Variants in PFKM observed in about 807,000 individuals in gnomAD.
PFKM encodes the protein phosphofructokinase, muscle.
Under a neutral mutation model 95.5 loss-of-function variants are expected in PFKM, and 58 were observed. That is an observed-to-expected ratio of 0.61 (90% CI 0.49 to 0.76). The LOEUF (loss-of-function observed/expected upper bound fraction) is 0.76, where lower values mean the gene tolerates loss of function less well. Ranked by LOEUF, PFKM falls within the 30% of genes least tolerant of loss-of-function variation. The pLI is 0.00. For synonymous variants in PFKM, 336 were observed against 357.2 expected, an observed-to-expected ratio of 0.94 and a Z score of 0.67; for missense variants, 678 against 1,005.4, an observed-to-expected ratio of 0.67 and a Z score of 4.40.
intron 2 of PFKM, chr12:48,125,500 A>G: frequency 3.2e-6 from 1 of 313,120 alleles, no homozygotes; most frequent in South Asian, 2.4e-5. Context: ...GCATGCCTGT[A>G]ATCCCAGCCA....
chr12:48,130,755 C>A (rs1341419766), intron 3 of PFKM, among the ~76,000 whole-genome samples: 1 of 152,150 alleles, frequency 6.6e-6, no homozygotes, highest in Non-Finnish European at 1.5e-5. Context: ...TTTAGTATAT[C>A]CAGAGGAAGA....
intron 3 of PFKM, among the ~76,000 whole-genome samples, chr12:48,113,804 T>A (rs956394175): frequency 6.6e-6 from 1 of 152,186 alleles, no homozygotes; most frequent in Non-Finnish European, 1.5e-5. Flanking sequence ...AGGACCGGAA[T>A]CTAATTTTTG....
intron 1 of PFKM, among the ~76,000 whole-genome samples, chr12:48,120,538 G>A (rs368242104): frequency 6.6e-6 from 1 of 152,120 alleles, no homozygotes; most frequent in Non-Finnish European, 1.5e-5. Flanking sequence ...GGCAAACTTC[G>A]TCTGTAAAAG....
chr12:48,108,763 G>A (rs1439811640), intron 3 of PFKM, among the ~76,000 whole-genome samples: 5 of 152,072 alleles, frequency 3.3e-5, no homozygotes, highest in Non-Finnish European at 7.4e-5. Flanking sequence ...TCAATTCACT[G>A]GAAACCTTTA....
At chr12:48,106,173 A>C in intron 1 of PFKM, 1 of 700,582 alleles carries the variant, frequency 1.4e-6, no homozygotes, top group Non-Finnish European at 2.6e-6. Context: ...CAGGAGGTCA[A>C]AGAACAGAGT....
At chr12:48,133,613 A>ATT in intron 6 of PFKM, 133 bp downstream of exon 6, 1 of 751,568 alleles carries the variant, frequency 1.3e-6, no homozygotes, top group Non-Finnish European at 2.3e-6. Flanking sequence ...CTAGAACACT[A>ATT]TTTTTAACGA....
intron 10 of PFKM, among the ~76,000 whole-genome samples, chr12:48,135,920 G>GT (rs1197912582): frequency 0.24 from 36,804 of 151,030 alleles, 4,805 homozygotes; most frequent in Non-Finnish European, 0.31. Context: ...ACGCACCATT[G>GT]CACTCGCTCC....
In PFKM at chr12:48,124,515, G is replaced by C. The variant is rs1948618128; in HGVS notation, c.85+1656G>C. On this transcript the variant is annotated intron_variant, in intron 2 of 22. Transcript: ENST00000359794. ...AGAGCTTTTTAGAGAGGGAAAGAGA[G>C]AAAGAAAGGTCAGACTAGGATTTAA... is the stretch of plus-strand genomic sequence containing the variant. Among the ~76,000 whole-genome samples, 3 of 152,194 alleles carry C rather than the reference G, an allele frequency of 2.0e-5. No homozygotes were observed. In the South Asian group the frequency reaches 6.2e-4, roughly 32 times the overall value.
Position 48,137,801 on chromosome 12 carries a change from T to C in PFKM, c.1017T>C (p.Ser339=), listed in dbSNP as rs2135957213. The change falls in exon 11 of 23, where the codon TCT becomes TCC. Residue 339 remains serine, a synonymous_variant. Coordinates refer to ENST00000359794, the MANE Select transcript of PFKM (RefSeq NM_000289.6). ...PDTPACVVSL[S]GNQAVRLPLM... ...CCCCAGCCTGTGTAGTGAGCCTCTC[T>C]GGTAACCAGGCTGTGCGCCTGCCCC... The C allele has an allele frequency of 3.1e-6, 5 of 1,614,154 alleles. No homozygotes were observed. The highest frequency in any genetic ancestry group is 4.2e-6 in the Non-Finnish European group (5 of 1,179,992).
At chr12:48,127,966 C>A (rs1949028601) in intron 2 of PFKM, among the ~76,000 whole-genome samples, 2 of 152,226 alleles carry the variant, frequency 1.3e-5, no homozygotes, top group South Asian at 2.1e-4. Flanking sequence ...AGTCAAACTT[C>A]TCATGGCACA....
chr12:48,142,962 G>C lies in PFKM; in HGVS notation c.1818+16G>C. The stretch of plus-strand genomic sequence containing the variant: ...AGACCTGCAGGTAGCTGGCCACCCA[G>C]AGCCTGCTAGATAGCTCTCCCCTGT... On this transcript the variant is annotated intron_variant, in intron 18 of 22. Transcript: ENST00000359794. 6.2e-7 allele frequency: 1 copy of C among 1,610,434 alleles called. No homozygotes were observed. Among genetic ancestry groups the C allele is most frequent in the Non-Finnish European group, 8.5e-7 (1 of 1,177,932 alleles).
upstream of PFKM, among the ~76,000 whole-genome samples, chr12:48,118,810 T>G (rs1337296506): frequency 6.6e-6 from 1 of 152,186 alleles, no homozygotes; most frequent in Non-Finnish European, 1.5e-5. Flanking sequence ...AAAGGTAATG[T>G]AAATGTAAAA....
rs1194451362 is a variant in PFKM at position 48,137,850 on chromosome 12, A to T, written c.1062+4A>T. On this transcript the variant is annotated splice_donor_region_variant and intron_variant, in intron 11 of 22. Coordinates refer to ENST00000359794, the MANE Select transcript of PFKM (RefSeq NM_000289.6). ...CCTCATGGAATGTGTCCAGGTGGTA[A>T]GTACTGATCCTAAACCCCTTTCTTA... The T allele has an allele frequency of 6.2e-7, 1 of 1,614,040 alleles. No individual in the cohort carries two copies. Among genetic ancestry groups the T allele is most frequent in the African/African-American group, 1.3e-5 (1 of 74,926 alleles).
In PFKM at chr12:48,144,116, A is replaced by G; in HGVS notation, c.1951A>G (p.Ile651Val). ...CCTGTACTCTGAGGAGGGGAAGGGC[A>G]TCTTCGACAGCAGGAAGAATGTGCT... Reference protein sequence around the residue: ...FNLYSEEGKGIFDSRKNVLGH... With the variant: ...FNLYSEEGKGVFDSRKNVLGH... The change falls in exon 20 of 23, where the codon ATC (isoleucine) becomes GTC (valine). Residue 651 changes from isoleucine (I) to valine (V), a missense_variant. Ile to Val is a conservative substitution (Grantham distance 29, BLOSUM62 3). Coordinates refer to ENST00000359794, the MANE Select transcript of PFKM (RefSeq NM_000289.6). 1 of 1,613,756 alleles carries G rather than the reference A, an allele frequency of 6.2e-7. No homozygotes were observed. Among genetic ancestry groups the G allele is most frequent in the East Asian group, 2.2e-5 (1 of 44,884 alleles).
intron 7 of PFKM, 138 bp downstream of exon 7, chr12:48,134,414 G>A (rs542898535): frequency 5.1e-6 from 4 of 791,382 alleles, no homozygotes; most frequent in Non-Finnish European, 9.0e-6. Context: ...TTCCCTTTCC[G>A]GCCTCCATCC....
Position 48,142,044 on chromosome 12 carries a change from C to T in PFKM, c.1631C>T (p.Thr544Ile), listed in dbSNP as rs1950619954. The part of the protein sequence containing the change: ...PGSDFSVGAD[T>I]ALNTICTTCD... Reference sequence around the variant, plus strand: ...TCAGACTTCAGCGTTGGGGCTGACACAGCACTCAATACTATCTGCACAGTG... The same window carrying T: ...TCAGACTTCAGCGTTGGGGCTGACATAGCACTCAATACTATCTGCACAGTG... The change falls in exon 17 of 23, where the codon ACA becomes ATA. Residue 544 changes from threonine (T) to isoleucine (I), a missense_variant. Transcript: ENST00000359794. The T allele has an allele frequency of 1.9e-6, 3 of 1,614,138 alleles. No homozygotes were observed. The highest frequency in any genetic ancestry group is 2.2e-5 in the East Asian group (1 of 44,888).
chr12:48,117,933 A>T (rs1425008966), upstream of PFKM, among the ~76,000 whole-genome samples: 1 of 152,204 alleles, frequency 6.6e-6, no homozygotes, highest in Admixed American at 6.5e-5. Context: ...CTTCCAGGTC[A>T]TAGGTAGATT....
rs1233958453 is a variant in PFKM at position 48,145,113 on chromosome 12, AAG to A, written c.2080_2081del (p.Ser694LeufsTer3). Reference sequence around the variant, plus strand: ...ATGAACTGGATGTCTGGGAAAATCAAAGAGAGTTACCGTAATGGTAGGTGGGG... The same window carrying A: ...ATGAACTGGATGTCTGGGAAAATCAAAGAGTTACCGTAATGGTAGGTGGGG... On this transcript the variant is annotated frameshift_variant, in exon 21 of 23. Coordinates refer to ENST00000359794, the MANE Select transcript of PFKM (RefSeq NM_000289.6). LOFTEE classifies it high-confidence loss of function. The surrounding 1 kb of genome is among the most constrained non-coding windows in gnomAD (Gnocchi z 4.3). 1 of 1,614,066 alleles carries A rather than the reference AAG, an allele frequency of 6.2e-7. No individual in the cohort carries two copies. Among genetic ancestry groups the A allele is most frequent in the East Asian group, 2.2e-5 (1 of 44,878 alleles).
rs991899762 is a variant in PFKM at position 48,146,202 on chromosome 12, G to A, written c.*494G>A. Reference sequence around the variant, plus strand: ...TGATGAAGCAGTAAAGACGTTAAGGGTATCACAGGGGGTGGAGGAAGGGAT... The same window carrying A: ...TGATGAAGCAGTAAAGACGTTAAGGATATCACAGGGGGTGGAGGAAGGGAT... On this transcript the variant is annotated 3_prime_UTR_variant, in exon 23 of 23. Transcript: ENST00000359794. The A allele has an allele frequency of 5.5e-6, 1 of 182,508 alleles. No homozygotes were observed. Among genetic ancestry groups the A allele is most frequent in the Non-Finnish European group, 1.2e-5 (1 of 85,142 alleles). The allele number at this position is 182,508 out of a possible 1,614,324, so 11.3% of individuals were successfully genotyped here. A position where few individuals can be genotyped will look rare whatever the true frequency, so the allele number is the denominator to read the frequency against.
Sources: gnomAD v4.1 joint callset for allele counts (sites outside exome capture counted in the v4.1 genomes callset) on GRCh38, gnomAD v4.1.1 for gene constraint, Gnocchi (gnomAD v3.1) non-coding constraint, MANE v1.5 for transcripts, NCBI Gene and HGNC (gene_info 2026-07-23, HGNC 2026-07-21) for gene names.